AP1M1: variants seen among roughly 807,000 people sequenced by gnomAD.
The protein encoded by AP1M1 is adaptor related protein complex 1 subunit mu 1.
Under a neutral mutation model 57.1 loss-of-function variants are expected in AP1M1, and 18 were observed. The ratio of observed to expected loss-of-function variants is 0.32; its 90% confidence interval spans 0.22 to 0.47. The LOEUF (loss-of-function observed/expected upper bound fraction) is 0.47, where lower values mean the gene tolerates loss of function less well. Ranked by LOEUF, AP1M1 falls within the 20% of genes least tolerant of loss-of-function variation. The probability of loss-of-function intolerance (pLI) is 1.00; values close to 1 mark genes in which losing one functional copy is unlikely to be tolerated. For synonymous variants in AP1M1, 241 were observed against 237.9 expected (o/e 1.01, Z -0.12); for missense variants, 362 against 593.5 (o/e 0.61, Z 4.05).
Position 16,206,832 on chromosome 19 carries a change from G to A in AP1M1, c.267+424G>A, listed in dbSNP as rs1042434128. Reference sequence around the variant, plus strand: ...CGCCCACCTTGGAGAGAGCTGACACGCCAGGCCCAGGCTGCCAGTGAGACA... The same window carrying A: ...CGCCCACCTTGGAGAGAGCTGACACACCAGGCCCAGGCTGCCAGTGAGACA... On this transcript the variant is annotated intron_variant, in intron 3 of 11. Coordinates refer to ENST00000291439, the MANE Select transcript of AP1M1 (RefSeq NM_032493.4). The surrounding 1 kb of genome is among the most constrained non-coding windows in gnomAD (Gnocchi z 4.3). 6.6e-6 allele frequency among the ~76,000 whole-genome samples: 1 copy of A among 152,164 alleles called. No homozygotes were observed. The highest frequency in any genetic ancestry group is 6.5e-5 in the Admixed American group (1 of 15,278).
chr19:16,226,313 G>T (rs2091570902), intron 5 of AP1M1, 108 bp from the exon 6 acceptor site: 3 of 1,414,486 alleles, frequency 2.1e-6, no homozygotes, highest in Non-Finnish European at 1.9e-6. Flanking sequence ...TGGGCTTGGA[G>T]GTGAGAAGGG....
chr19:16,202,730 GC>G (rs924632064), intron 1 of AP1M1, among the ~76,000 whole-genome samples: 2 of 152,234 alleles, frequency 1.3e-5, no homozygotes, highest in Admixed American at 1.3e-4. Flanking sequence ...TAGTTCACCT[GC>G]TGAAGGACAT....
At chr19:16,233,380 C>T in intron 9 of AP1M1, 113 bp from the exon 10 acceptor site, 1 of 1,384,224 alleles carries the variant, frequency 7.2e-7, no homozygotes, top group Non-Finnish European at 9.5e-7. Context: ...CTCATGCTCC[C>T]CTCCCTGGAC....
rs1599454221 is a variant in AP1M1, at chr19:16,207,540, AT to A, written c.268-476del. On this transcript the variant is annotated intron_variant, in intron 3 of 11. Transcript: ENST00000291439. The surrounding 1 kb of genome is among the most constrained non-coding windows in gnomAD (Gnocchi z 4.2). Reference sequence around the variant, plus strand: ...TTTTAGTGACGCTCCTTCCTTCAGCATTTGTGCCTGCAAAAGTGCTTCTAAC... The same window carrying A: ...TTTTAGTGACGCTCCTTCCTTCAGCATTGTGCCTGCAAAAGTGCTTCTAAC... Among the ~76,000 whole-genome samples, 1 of 152,140 alleles carries A rather than the reference AT, an allele frequency of 6.6e-6. No individual in the cohort carries two copies. The highest frequency in any genetic ancestry group is 1.9e-4 in the East Asian group (1 of 5,190).
intron 5 of AP1M1, among the ~76,000 whole-genome samples, chr19:16,210,601 C>T (rs752345206): frequency 6.6e-6 from 1 of 152,316 alleles, no homozygotes; most frequent in Middle Eastern, 3.4e-3. Flanking sequence ...CTCTTGTCGC[C>T]CAGGCTGGAG....
intron 9 of AP1M1, among the ~76,000 whole-genome samples, chr19:16,233,187 C>T (rs557803794): frequency 1.3e-3 from 198 of 152,292 alleles, no homozygotes; most frequent in African/African-American, 4.6e-3. Flanking sequence ...GGGAGCTGGG[C>T]GGGGGGTGCT....
rs537078320 is a variant in AP1M1, at chr19:16,206,831, C to T, written c.267+423C>T. 9.8e-5 allele frequency among the ~76,000 whole-genome samples: 15 copies of T among 152,290 alleles called. No individual in the cohort carries two copies. The highest frequency in any genetic ancestry group is 5.8e-4 in the East Asian group (3 of 5,176). ...ACGCCCACCTTGGAGAGAGCTGACA[C>T]GCCAGGCCCAGGCTGCCAGTGAGAC... On this transcript the variant is annotated intron_variant, in intron 3 of 11. Transcript: ENST00000291439. The surrounding 1 kb of genome is among the most constrained non-coding windows in gnomAD (Gnocchi z 4.3).
At chr19:16,214,054 T>TTTC (rs1449209038) in intron 5 of AP1M1, among the ~76,000 whole-genome samples, 1 of 148,944 alleles carries the variant, frequency 6.7e-6, no homozygotes, top group Non-Finnish European at 1.5e-5. Context: ...TCCTTTTTCT[T>TTTC]TTTTTTTTTT....
intron 5 of AP1M1, among the ~76,000 whole-genome samples, chr19:16,219,357 T>C (rs906730449): frequency 2.0e-5 from 3 of 152,016 alleles, no homozygotes; most frequent in African/African-American, 4.8e-5. Context: ...ATCTTAGGGC[T>C]GGGACCCAGG....
At chr19:16,223,057 T>C (rs1469751735) in intron 5 of AP1M1, among the ~76,000 whole-genome samples, 9 of 152,334 alleles carry the variant, frequency 5.9e-5, no homozygotes, top group East Asian at 1.9e-4. Flanking sequence ...ATCCTGGACT[T>C]TTTGAGCATT....
chr19:16,198,672 TCA>T (rs1301062654), intron 1 of AP1M1, among the ~76,000 whole-genome samples: 1 of 152,102 alleles, frequency 6.6e-6, no homozygotes, highest in Non-Finnish European at 1.5e-5. Context: ...GTCACAATGG[TCA>T]CAGAGAAGTA....
intron 5 of AP1M1, among the ~76,000 whole-genome samples, chr19:16,217,763 C>A (rs2145127813): frequency 6.6e-6 from 1 of 152,270 alleles, no homozygotes; most frequent in Non-Finnish European, 1.5e-5. Flanking sequence ...CAAGTCAAGC[C>A]TAGGGGATGG....
At chr19:16,230,386 A>T (rs963721626) in intron 9 of AP1M1, among the ~76,000 whole-genome samples, 1 of 147,286 alleles carries the variant, frequency 6.8e-6, no homozygotes, top group South Asian at 2.1e-4. Flanking sequence ...GCACATTCAG[A>T]CTACAGTATA....
chr19:16,229,585 T>A (rs920709460), intron 9 of AP1M1, among the ~76,000 whole-genome samples: 2 of 152,128 alleles, frequency 1.3e-5, no homozygotes, highest in African/African-American at 2.4e-5. Context: ...CCCCTCTCTC[T>A]CCATCTGCAT....
intron 1 of AP1M1, among the ~76,000 whole-genome samples, chr19:16,202,056 CAGGGGG>C (rs1228750945): frequency 6.6e-6 from 1 of 152,072 alleles, no homozygotes; most frequent in African/African-American, 2.4e-5. Flanking sequence ...AGAGTGACAG[CAGGGGG>C]AGGGGCTGTT....
chr19:16,225,059 G>T (rs564884062), intron 5 of AP1M1, among the ~76,000 whole-genome samples: 1 of 152,178 alleles, frequency 6.6e-6, no homozygotes, highest in Non-Finnish European at 1.5e-5. Flanking sequence ...AGGACAGCAC[G>T]AGGAGGTGAG....
chr19:16,209,116 A>T lies in AP1M1; in HGVS notation c.485A>T (p.Glu162Val). Residue 162 changes from glutamate (E) to valine (V), a missense_variant, in exon 5 of 12, where the codon GAA becomes GTA. Transcript: ENST00000291439. ...TVTNAVSWRSEGIKYRKNEVF... is the reference protein window; with the variant it reads ...TVTNAVSWRSVGIKYRKNEVF... ...ACCAACGCGGTGTCCTGGCGGTCCG[A>T]AGGCATCAAGTATCGGAAGAATGAG... 6.2e-7 allele frequency: 1 copy of T among 1,614,238 alleles called. No individual in the cohort carries two copies. The highest frequency in any genetic ancestry group is 1.1e-5 in the South Asian group (1 of 91,090).
intron 5 of AP1M1, among the ~76,000 whole-genome samples, chr19:16,214,838 T>C (rs2091510762): frequency 6.6e-6 from 1 of 151,986 alleles, no homozygotes; most frequent in African/African-American, 2.4e-5. Flanking sequence ...AACCTCTACC[T>C]CCCTGGCACA....
chr19:16,229,499 G>A (rs1398736686), intron 9 of AP1M1, among the ~76,000 whole-genome samples: 1 of 152,222 alleles, frequency 6.6e-6, no homozygotes, highest in African/African-American at 2.4e-5. Flanking sequence ...GCCCAGGCAT[G>A]GCTCTGGAGC....
Sources: allele counts gnomAD v4.1 joint callset (sites outside exome capture counted in the v4.1 genomes callset), GRCh38; gene constraint gnomAD v4.1.1; non-coding constraint Gnocchi (gnomAD v3.1); transcripts MANE v1.5; gene names NCBI Gene and HGNC (gene_info 2026-07-23, HGNC 2026-07-21).